The following ASIC2 variants were observed in gnomAD, a reference collection of about 807,000 sequenced individuals.
The protein encoded by ASIC2 is acid-sensing ion channel 2.
Under a neutral mutation model 57.3 loss-of-function variants are expected in ASIC2, and 25 were observed. The observed-to-expected ratio is 0.44, with a 90% CI of 0.32 to 0.61. The LOEUF is 0.61. Ranked by LOEUF, ASIC2 falls within the 20% of genes least tolerant of loss-of-function variation. The probability of loss-of-function intolerance (pLI) is 0.06; values close to 1 mark genes in which losing one functional copy is unlikely to be tolerated. For missense variants in ASIC2, 641 were observed against 738.1 expected (o/e 0.87, Z 1.52); for synonymous variants, 319 against 307.5 (o/e 1.04, Z -0.39).
intron 1 of ASIC2, among the ~76,000 whole-genome samples, chr17:33,159,932 G>A (rs1378394784): frequency 1.3e-5 from 2 of 152,110 alleles, no homozygotes; most frequent in Non-Finnish European, 2.9e-5. Flanking sequence ...TGAAAGGCTG[G>A]GTGCAGTGAC....
chr17:33,561,456 C>T (rs974277158), intron 1 of ASIC2, among the ~76,000 whole-genome samples: 1 of 152,186 alleles, frequency 6.6e-6, no homozygotes, highest in African/African-American at 2.4e-5. Context: ...AGCAAGGCAA[C>T]CCCACTTTAC....
At chr17:33,553,711 C>A (rs1915820928) in intron 1 of ASIC2, among the ~76,000 whole-genome samples, 1 of 152,078 alleles carries the variant, frequency 6.6e-6, no homozygotes, top group Non-Finnish European at 1.5e-5. Context: ...ATGTGCTTTC[C>A]ATCTTTAACC....
At chr17:34,036,736 T>C (rs1419866280) in intron 1 of ASIC2, 1 of 119,190 alleles carries the variant, frequency 8.4e-6, no homozygotes, top group Non-Finnish European at 1.7e-5. Context: ...TTTAAAAAAA[T>C]AGCACTTCAA....
intron 1 of ASIC2, among the ~76,000 whole-genome samples, chr17:33,814,963 T>C (rs1234997769): frequency 6.6e-6 from 1 of 152,200 alleles, no homozygotes; most frequent in African/African-American, 2.4e-5. Flanking sequence ...AGTGCATATG[T>C]GTCTGTGAGT....
chr17:33,151,487 TGGTCCTTGTGAC>T (rs1293346916), intron 1 of ASIC2, among the ~76,000 whole-genome samples: 1 of 152,244 alleles, frequency 6.6e-6, no homozygotes, highest in Non-Finnish European at 1.5e-5. Context: ...TCTAGAATGA[TGGTCCTTGTGAC>T]GGTTTGAATG....
intron 1 of ASIC2, among the ~76,000 whole-genome samples, chr17:34,023,354 TTCTC>T (rs371665567): frequency 1.2e-4 from 16 of 135,666 alleles, no homozygotes; most frequent in South Asian, 4.8e-4. Context: ...CTGTTTCTCT[TTCTC>T]TCTCTCTCTC....
chr17:33,403,442 T>A lies in ASIC2; in HGVS notation c.556-291375A>T, dbSNP rs79239741. On this transcript the variant is annotated intron_variant, in intron 1 of 9. Transcript: ENST00000359872. ...TGAGCTTATCTTGCATTTGAAGTAA[T>A]TTACTTATGGGCAGCTGCCACATGC... 5.4e-3 allele frequency among the ~76,000 whole-genome samples: 820 copies of A among 152,354 alleles called. 21 individuals are homozygous for A. The East Asian group carries it at 0.062, about 12-fold the overall frequency.
chr17:33,282,128 A>C (rs1373522298), intron 1 of ASIC2, among the ~76,000 whole-genome samples: 1 of 152,240 alleles, frequency 6.6e-6, no homozygotes, highest in Non-Finnish European at 1.5e-5. Context: ...TCTGTAATAG[A>C]AAGTGTTTTG....
chr17:33,969,201 C>T (rs1209446537), intron 1 of ASIC2, among the ~76,000 whole-genome samples: 2 of 152,108 alleles, frequency 1.3e-5, no homozygotes, highest in African/African-American at 2.4e-5. Context: ...AGTTTTGGTC[C>T]CTCGCTTCTT....
At chr17:33,410,369 A>G (rs1209503782) in intron 1 of ASIC2, among the ~76,000 whole-genome samples, 2 of 152,236 alleles carry the variant, frequency 1.3e-5, no homozygotes, top group South Asian at 2.1e-4. Flanking sequence ...AGAAACGTAC[A>G]TGAGAGAAGA....
intron 1 of ASIC2, among the ~76,000 whole-genome samples, chr17:33,523,598 A>G (rs558238349): frequency 1.3e-5 from 2 of 152,272 alleles, no homozygotes; most frequent in African/African-American, 4.8e-5. Flanking sequence ...TTAGAGGTTT[A>G]AGTAGCATAA....
At chr17:33,027,385 T>C (rs1172436804) in intron 4 of ASIC2, among the ~76,000 whole-genome samples, 1 of 152,202 alleles carries the variant, frequency 6.6e-6, no homozygotes. Flanking sequence ...GAATAAAGTA[T>C]GATATAACCA....
chr17:34,031,023 C>T (rs1907587835), intron 1 of ASIC2, among the ~76,000 whole-genome samples: 1 of 152,206 alleles, frequency 6.6e-6, no homozygotes, highest in Admixed American at 6.5e-5. Flanking sequence ...AGTGGTTCTC[C>T]CAGCACACAG....
At chr17:34,141,470 T>C (rs1011611310) in intron 1 of ASIC2, among the ~76,000 whole-genome samples, 1 of 152,224 alleles carries the variant, frequency 6.6e-6, no homozygotes. Flanking sequence ...CTCTGGACCT[T>C]GGGCAAACTT....
intron 3 of ASIC2, among the ~76,000 whole-genome samples, chr17:33,051,540 G>A (rs550187814): frequency 1.3e-4 from 20 of 152,298 alleles, no homozygotes; most frequent in African/African-American, 4.8e-4. Flanking sequence ...TGAGACTCCT[G>A]TAGGCAAGCA....
intron 1 of ASIC2, among the ~76,000 whole-genome samples, chr17:33,137,936 G>C (rs1257582773): frequency 2.0e-5 from 3 of 152,126 alleles, no homozygotes. Context: ...AGTGGGAGTG[G>C]ATTGCTGCAG....
chr17:33,395,975 A>C (rs1197501567), intron 1 of ASIC2, among the ~76,000 whole-genome samples: 7 of 152,234 alleles, frequency 4.6e-5, no homozygotes, highest in African/African-American at 1.7e-4. Flanking sequence ...GTAGATGTTT[A>C]TAACAAAGGC....
intron 1 of ASIC2, among the ~76,000 whole-genome samples, chr17:34,016,257 T>A (rs1906949945): frequency 2.0e-5 from 3 of 151,684 alleles, no homozygotes; most frequent in African/African-American, 7.3e-5. Context: ...ACCCCGTCTT[T>A]ACTAAAAACA....
intron 1 of ASIC2, among the ~76,000 whole-genome samples, chr17:33,441,531 T>C (rs1294570744): frequency 1.3e-5 from 2 of 152,200 alleles, no homozygotes; most frequent in Non-Finnish European, 2.9e-5. Context: ...TGATGGGGCT[T>C]CAGGACATGC....
Sources: gnomAD v4.1 joint callset for allele counts (sites outside exome capture counted in the v4.1 genomes callset) on GRCh38, gnomAD v4.1.1 for gene constraint, MANE v1.5 for transcripts, NCBI Gene and HGNC (gene_info 2026-07-23, HGNC 2026-07-21) for gene names.